The following KIF16B variants were observed in gnomAD, a reference collection of about 807,000 sequenced individuals.
KIF16B encodes kinesin-like protein KIF16B.
A neutral mutation model predicts 156.3 loss-of-function variants in KIF16B; 98 were observed. That is an observed-to-expected ratio of 0.63 (90% CI 0.53 to 0.74). KIF16B has a LOEUF of 0.74. Ranked by LOEUF, KIF16B falls within the 30% of genes least tolerant of loss-of-function variation. The pLI is 0.00. For synonymous variants in KIF16B, 564 were observed against 583.7 expected (o/e 0.97, Z 0.49); for missense variants, 1,421 against 1,606.5 (o/e 0.88, Z 1.97).
Position 16,573,343 on chromosome 20 carries a change from G to C in KIF16B, c.-68C>G. On this transcript the variant is annotated 5_prime_UTR_variant, in exon 1 of 26. Coordinates refer to ENST00000354981, the MANE Select transcript of KIF16B (RefSeq NM_024704.5). Reference sequence around the variant, plus strand: ...AACTCCGCGGTCGCCGGCGACGCTGGCTACTCAGATCGCGGCTCCCGCCCA... The same window carrying C: ...AACTCCGCGGTCGCCGGCGACGCTGCCTACTCAGATCGCGGCTCCCGCCCA... The C allele has an allele frequency of 1.3e-6, 2 of 1,549,146 alleles. No individual in the cohort carries two copies. The highest frequency in any genetic ancestry group is 1.8e-6 in the Non-Finnish European group (2 of 1,132,728).
intron 12 of KIF16B, among the ~76,000 whole-genome samples, chr20:16,464,985 C>T (rs1329832819): frequency 6.6e-6 from 1 of 152,024 alleles, no homozygotes; most frequent in Non-Finnish European, 1.5e-5. Flanking sequence ...TTCTAACTAC[C>T]ATGAATTCTT....
At chr20:16,537,651 A>C (rs6044089) in intron 1 of KIF16B, among the ~76,000 whole-genome samples, 1 of 150,016 alleles carries the variant, frequency 6.7e-6, no homozygotes, top group Non-Finnish European at 1.5e-5. Flanking sequence ...CCACATACTA[A>C]AGTATCTTCC....
intron 23 of KIF16B, among the ~76,000 whole-genome samples, chr20:16,341,271 T>C (rs1351993216): frequency 6.6e-6 from 1 of 152,180 alleles, no homozygotes; most frequent in Non-Finnish European, 1.5e-5. Context: ...AATGATGTCA[T>C]TTGAGGACCT....
intron 12 of KIF16B, among the ~76,000 whole-genome samples, chr20:16,465,003 C>T (rs1283994720): frequency 2.6e-5 from 4 of 152,118 alleles, no homozygotes; most frequent in Non-Finnish European, 5.9e-5. Flanking sequence ...CTTAGAATGA[C>T]CTTTGATAAA....
At chr20:16,282,060 C>T (rs1216337337) in intron 25 of KIF16B, among the ~76,000 whole-genome samples, 3 of 128,846 alleles carry the variant, frequency 2.3e-5, no homozygotes, top group African/African-American at 3.0e-5. Flanking sequence ...GAGACAGAGT[C>T]TCACTCTGTC....
chr20:16,468,842 A>C (rs1008700136), intron 12 of KIF16B, among the ~76,000 whole-genome samples: 6 of 152,300 alleles, frequency 3.9e-5, no homozygotes, highest in African/African-American at 1.4e-4. Flanking sequence ...AATTAAGGGA[A>C]TCTGATTAAC....
intron 25 of KIF16B, among the ~76,000 whole-genome samples, chr20:16,298,477 T>C (rs1359347383): frequency 6.6e-6 from 1 of 152,238 alleles, no homozygotes; most frequent in African/African-American, 2.4e-5. Flanking sequence ...TATCTATTTC[T>C]TCTAGGTTTT....
intron 22 of KIF16B, among the ~76,000 whole-genome samples, chr20:16,356,816 A>G (rs2064452599): frequency 6.6e-6 from 1 of 152,244 alleles, no homozygotes; most frequent in Non-Finnish European, 1.5e-5. Flanking sequence ...AGTCTTGACC[A>G]TCTGACAAAC....
chr20:16,319,043 A>G (rs1452097880), intron 24 of KIF16B, among the ~76,000 whole-genome samples: 2 of 152,174 alleles, frequency 1.3e-5, no homozygotes, highest in East Asian at 1.9e-4. Flanking sequence ...CTCCCTCCCA[A>G]AAATGCATAA....
In KIF16B at chr20:16,397,512, T is replaced by C. The variant is rs553307280; in HGVS notation, c.1784+7301A>G. Among the ~76,000 whole-genome samples the C allele has an allele frequency of 7.6e-4, 116 of 152,366 alleles. 1 individual carries two copies. The highest frequency in any genetic ancestry group is 2.1e-4 in the South Asian group (1 of 4,826). On this transcript the variant is annotated intron_variant, in intron 17 of 25. Transcript: ENST00000354981. The stretch of plus-strand genomic sequence containing the variant: ...ATAATTCAGACCACAGGGTATTTTT[T>C]AGACATGGGCTGTTTAGAAAATTAG...
chr20:16,427,301 A>G (rs2066382182), intron 14 of KIF16B, 60 bp from the exon 15 acceptor site: 1 of 1,441,108 alleles, frequency 6.9e-7, no homozygotes, highest in East Asian at 2.3e-5. Context: ...AATGATTCCC[A>G]GCTATTTATC....
chr20:16,371,625 C>T lies in KIF16B; in HGVS notation c.3447+40G>A, dbSNP rs117044767. The T allele has an allele frequency of 1.9e-3, 2,218 of 1,156,924 alleles. 20 individuals are homozygous for T. The highest frequency in any genetic ancestry group is 0.018 in the East Asian group (736 of 41,128). 71.7% of individuals were successfully genotyped at this position (1,156,924 alleles called of 1,614,324 possible). On this transcript the variant is annotated intron_variant, in intron 21 of 25. Coordinates refer to ENST00000354981, the MANE Select transcript of KIF16B (RefSeq NM_024704.5). ...AAAAAAAGGAAAAAAGAAAGATGAA[C>T]GAACTTGTTACTTCGTGTTACTTGG...
chr20:16,429,954 C>T lies in KIF16B; in HGVS notation c.1331G>A (p.Gly444Glu). The part of the protein sequence containing the change: ...KEQTLALRKE[G>E]IGVVLDSELP... ...TTCAGAATCCAAAACAACTCCAATC[C>T]CTTCTTTCCTGAGGGCTAGAGTTTG... The change falls in exon 13 of 26, where the codon GGG becomes GAG. Residue 444 changes from glycine to glutamate, a missense_variant. Gly to Glu is a moderately conservative substitution (Grantham distance 98, BLOSUM62 -2). Coordinates refer to ENST00000354981, the MANE Select transcript of KIF16B (RefSeq NM_024704.5). 1.2e-6 allele frequency: 2 copies of T among 1,612,518 alleles called. No homozygotes were observed. Among genetic ancestry groups the T allele is most frequent in the Non-Finnish European group, 1.7e-6 (2 of 1,179,248 alleles).
In KIF16B at chr20:16,406,535, T is replaced by C. The variant is rs539324741; in HGVS notation, c.1613-79A>G. 2.0e-4 allele frequency: 233 copies of C among 1,169,874 alleles called. 5 individuals carry two copies. The South Asian group carries it at 2.7e-3, about 14-fold the overall frequency. The allele number at this position is 1,169,874 out of a possible 1,614,324, so 72.5% of individuals were successfully genotyped here. On this transcript the variant is annotated intron_variant, in intron 15 of 25. Coordinates refer to ENST00000354981, the MANE Select transcript of KIF16B (RefSeq NM_024704.5). ...CCAATACCATAACATGGAATTCTAC[T>C]GTTGAAATGTAATTTCCAGTGTATT...
At chr20:16,513,054 G>T in intron 4 of KIF16B, 131 bp from the exon 5 acceptor site, 4 of 640,916 alleles carry the variant, frequency 6.2e-6, no homozygotes, top group Middle Eastern at 2.5e-4. Flanking sequence ...CACAGCCCAC[G>T]CCATATACCC....
chr20:16,277,638 G>A (rs576908086), intron 25 of KIF16B, among the ~76,000 whole-genome samples: 9 of 152,074 alleles, frequency 5.9e-5, no homozygotes, highest in Admixed American at 2.0e-4. Flanking sequence ...CAAAGTCACC[G>A]TAGCCCTCCC....
At chr20:16,512,224 A>C (rs984835128) in intron 5 of KIF16B, among the ~76,000 whole-genome samples, 7 of 152,152 alleles carry the variant, frequency 4.6e-5, no homozygotes, top group African/African-American at 1.4e-4. Flanking sequence ...ATTTCATTGA[A>C]TCTCCACAAT....
chr20:16,547,203 C>T (rs1277591794), intron 1 of KIF16B, among the ~76,000 whole-genome samples: 1 of 152,222 alleles, frequency 6.6e-6, no homozygotes, highest in African/African-American at 2.4e-5. Context: ...CATCCATCAC[C>T]TCTCCTAAGG....
intron 5 of KIF16B, among the ~76,000 whole-genome samples, chr20:16,512,143 T>C (rs1338098139): frequency 6.7e-6 from 1 of 149,740 alleles, no homozygotes; most frequent in Non-Finnish European, 1.5e-5. Context: ...TAAGACTCCA[T>C]CTCCAAAAAA....
Sources: gnomAD v4.1 joint callset for allele counts (sites outside exome capture counted in the v4.1 genomes callset) on GRCh38, gnomAD v4.1.1 for gene constraint, MANE v1.5 for transcripts, NCBI Gene and HGNC (gene_info 2026-07-23, HGNC 2026-07-21) for gene names.